The following MYLK variants were observed in gnomAD, a reference collection of about 807,000 sequenced individuals.
The protein encoded by MYLK is myosin light chain kinase.
A neutral mutation model predicts 203.4 loss-of-function variants in MYLK; 106 were observed. That is an observed-to-expected ratio of 0.52 (90% CI 0.45 to 0.61). The LOEUF (loss-of-function observed/expected upper bound fraction) is 0.61, where lower values mean the gene tolerates loss of function less well. Among genes scored for constraint, MYLK ranks in the 20% least tolerant of loss-of-function variants. The pLI, the probability that MYLK is intolerant of heterozygous loss-of-function variation, is 0.00. For synonymous variants in MYLK, 867 were observed against 959.5 expected (o/e 0.90, Z 1.78); for missense variants, 2,072 against 2,442.3 (o/e 0.85, Z 3.20).
intron 18 of MYLK, among the ~76,000 whole-genome samples, chr3:123,698,543 A>G (rs1242161035): frequency 6.6e-6 from 1 of 152,160 alleles, no homozygotes; most frequent in African/African-American, 2.4e-5. Context: ...GCTCCTCTGA[A>G]GTCTCACCCC....
At chr3:123,794,438 G>T (rs2064910244) in intron 3 of MYLK, among the ~76,000 whole-genome samples, 1 of 152,166 alleles carries the variant, frequency 6.6e-6, no homozygotes, top group African/African-American at 2.4e-5. Context: ...TCCCACCTCT[G>T]AGGACCAGAT....
At chr3:123,662,886 G>A (rs1039307535) in intron 23 of MYLK, among the ~76,000 whole-genome samples, 10 of 152,204 alleles carry the variant, frequency 6.6e-5, no homozygotes, top group African/African-American at 1.9e-4. Flanking sequence ...GGCTGGGGGT[G>A]CTGTACCCTT....
intron 2 of MYLK, among the ~76,000 whole-genome samples, chr3:123,848,478 T>C (rs1243342184): frequency 6.6e-6 from 1 of 152,128 alleles, no homozygotes; most frequent in Non-Finnish European, 1.5e-5. Flanking sequence ...CATACCCTTA[T>C]TTGGTTTGGG....
intron 2 of MYLK, among the ~76,000 whole-genome samples, chr3:123,875,294 A>C (rs1157878755): frequency 6.6e-6 from 1 of 152,186 alleles, no homozygotes; most frequent in Non-Finnish European, 1.5e-5. Flanking sequence ...ACAAAAACGA[A>C]TAACCTATTG....
At position 123,626,845 on chromosome 3, in the gene MYLK, C is replaced by T. The variant is rs146460330; in HGVS notation, c.5211G>A (p.Lys1737=). Residue 1737 remains lysine, a synonymous_variant, in exon 31 of 34, where the codon AAG becomes AAA. Transcript: ENST00000360304. ...EAKKLSKDRM[K]KYMARRKWQK... ...GCCATTTCCTTCTTGCCATGTACTTCTTCATCCGGTCCTTGGAGAGTTTCT... is the reference window on the plus strand; with the variant it reads ...GCCATTTCCTTCTTGCCATGTACTTTTTCATCCGGTCCTTGGAGAGTTTCT... The T allele has an allele frequency of 3.1e-6, 5 of 1,614,124 alleles. No individual in the cohort carries two copies. The African/African-American group carries it at 5.3e-5, about 17-fold the overall frequency.
intron 29 of MYLK, among the ~76,000 whole-genome samples, chr3:123,631,952 C>A (rs2058445430): frequency 6.6e-6 from 1 of 151,652 alleles, no homozygotes; most frequent in South Asian, 2.1e-4. Flanking sequence ...TCACTGCAAG[C>A]TCTGCCCCCT....
rs200448940 is a variant in MYLK, at chr3:123,876,327, TCA to T, written c.-127+230_-127+231del. ...TCATATGTAACTCTGATAGATTATA[TCA>T]GTTATCACATTATCATAGTTCAGAA... On this transcript the variant is annotated intron_variant, in intron 2 of 33. Coordinates refer to ENST00000360304, the MANE Select transcript of MYLK (RefSeq NM_053025.4). 2.7e-4 allele frequency among the ~76,000 whole-genome samples: 41 copies of T among 152,264 alleles called. No homozygotes were observed. The East Asian group carries it at 7.5e-3, about 28-fold the overall frequency.
rs984758362 is a variant in MYLK, at chr3:123,736,954, C to T, written c.754+424G>A. 3.3e-5 allele frequency among the ~76,000 whole-genome samples: 5 copies of T among 151,732 alleles called. 1 individual carries two copies. In the South Asian group the frequency reaches 8.4e-4, roughly 25 times the overall value. On this transcript the variant is annotated intron_variant, in intron 8 of 33. Coordinates refer to ENST00000360304, the MANE Select transcript of MYLK (RefSeq NM_053025.4). ...TTGTCAAAGACCTGCCCCTTGTGGCCGGGCGTGGTGGCTCACACCTGTAAT... is the reference window on the plus strand; with the variant it reads ...TTGTCAAAGACCTGCCCCTTGTGGCTGGGCGTGGTGGCTCACACCTGTAAT...
At chr3:123,649,497 C>T (rs2059137549) in intron 24 of MYLK, among the ~76,000 whole-genome samples, 1 of 152,224 alleles carries the variant, frequency 6.6e-6, no homozygotes, top group South Asian at 2.1e-4. Flanking sequence ...TCTCATCCAA[C>T]CCTTTCTGAC....
intron 3 of MYLK, among the ~76,000 whole-genome samples, chr3:123,826,611 G>C (rs1560267831): frequency 6.6e-6 from 1 of 152,188 alleles, no homozygotes; most frequent in Non-Finnish European, 1.5e-5. Flanking sequence ...CCAAACATCT[G>C]CATGCTCATG....
intron 3 of MYLK, among the ~76,000 whole-genome samples, chr3:123,829,887 G>C (rs1045595804): frequency 2.6e-5 from 4 of 152,184 alleles, no homozygotes; most frequent in Admixed American, 6.5e-5. Flanking sequence ...TATCTCAAGA[G>C]CTTTGCTCAC....
At chr3:123,796,800 T>C (rs1459132979) in intron 3 of MYLK, among the ~76,000 whole-genome samples, 1 of 152,234 alleles carries the variant, frequency 6.6e-6, no homozygotes, top group Non-Finnish European at 1.5e-5. Context: ...GAGATGGGCA[T>C]GCTCATACCC....
intron 3 of MYLK, among the ~76,000 whole-genome samples, chr3:123,822,385 G>T (rs1260848378): frequency 6.6e-6 from 1 of 152,152 alleles, no homozygotes; most frequent in Non-Finnish European, 1.5e-5. Flanking sequence ...GCAGCCCATA[G>T]AATTACTCCC....
In MYLK at chr3:123,707,749, C is replaced by G; in HGVS notation, c.2390+5G>C. On this transcript the variant is annotated splice_donor_5th_base_variant and intron_variant, in intron 16 of 33. Coordinates refer to ENST00000360304, the MANE Select transcript of MYLK (RefSeq NM_053025.4). ...AAGGGAGGCTGGCTGGACATGCAGA[C>G]TCACTTGAGCAGGATCTCATACTGG... The G allele has an allele frequency of 6.2e-7, 1 of 1,614,172 alleles. No homozygotes were observed. The highest frequency in any genetic ancestry group is 2.2e-5 in the East Asian group (1 of 44,884).
At chr3:123,753,332 A>T (rs1233565821) in intron 4 of MYLK, among the ~76,000 whole-genome samples, 1 of 152,260 alleles carries the variant, frequency 6.6e-6, no homozygotes, top group African/African-American at 2.4e-5. Flanking sequence ...TAGAAAAGTT[A>T]CAATTACATC....
At chr3:123,705,850 G>C (rs2061441222) in intron 16 of MYLK, among the ~76,000 whole-genome samples, 1 of 152,080 alleles carries the variant, frequency 6.6e-6, no homozygotes, top group South Asian at 2.1e-4. Flanking sequence ...TAGGATGTCT[G>C]GCTTGAGTAA....
chr3:123,751,417 G>A, intron 5 of MYLK, among the ~76,000 whole-genome samples: 1 of 152,240 alleles, frequency 6.6e-6, no homozygotes, highest in African/African-American at 2.4e-5. Flanking sequence ...AAAATATTAG[G>A]TTGGTGCAAA....
chr3:123,699,820 G>A (rs1245824315), intron 18 of MYLK, among the ~76,000 whole-genome samples, 200 bp downstream of exon 18: 3 of 152,208 alleles, frequency 2.0e-5, no homozygotes, highest in African/African-American at 7.2e-5. Context: ...TGTACCCAAG[G>A]CCCCTGAGCC....
intron 4 of MYLK, among the ~76,000 whole-genome samples, chr3:123,780,986 T>C (rs2064276471): frequency 6.6e-6 from 1 of 152,142 alleles, no homozygotes; most frequent in Non-Finnish European, 1.5e-5. Context: ...ATGGGCTCCC[T>C]GGAAGAGGTG....
Sources: gnomAD v4.1 joint callset for allele counts (sites outside exome capture counted in the v4.1 genomes callset) on GRCh38, gnomAD v4.1.1 for gene constraint, MANE v1.5 for transcripts, NCBI Gene and HGNC (gene_info 2026-07-23, HGNC 2026-07-21) for gene names.